IREB2: variants seen among roughly 807,000 people sequenced by gnomAD.
IREB2 encodes iron responsive element binding protein 2.
IREB2 carries 39 observed loss-of-function variants against 118.8 expected under a neutral mutation model. The ratio of observed to expected loss-of-function variants is 0.33; its 90% CI spans 0.25 to 0.43. IREB2 has a LOEUF of 0.43. IREB2 is among the 20% of genes least tolerant of loss of function. The pLI is 1.00. For synonymous variants in IREB2, 372 were observed against 392.2 expected, an observed-to-expected ratio of 0.95 and a Z score of 0.61; for missense variants, 900 against 1,147.3, an observed-to-expected ratio of 0.78 and a Z score of 3.11.
At chr15:78,469,951 A>AT (rs1467863215) in intron 5 of IREB2, among the ~76,000 whole-genome samples, 7 of 152,204 alleles carry the variant, frequency 4.6e-5, no homozygotes, top group African/African-American at 1.7e-4. Flanking sequence ...GAGGTCAATT[A>AT]TTTTTGTCTC....
chr15:78,494,289 C>T (rs201740668), intron 20 of IREB2, 25 bp downstream of exon 20: 6 of 1,602,692 alleles, frequency 3.7e-6, no homozygotes, highest in Non-Finnish European at 5.1e-6. Flanking sequence ...AATTTATCAT[C>T]TTAAGCTTCA....
intron 18 of IREB2, among the ~76,000 whole-genome samples, chr15:78,492,025 A>T (rs2051759947): frequency 6.6e-6 from 1 of 152,224 alleles, no homozygotes; most frequent in Non-Finnish European, 1.5e-5. Flanking sequence ...CATTTAATCC[A>T]GTAGTGCTCA....
In IREB2 at chr15:78,498,218, A is replaced by G. The variant is rs2051873057; in HGVS notation, c.*75A>G. On this transcript the variant is annotated 3_prime_UTR_variant, in exon 22 of 22. Coordinates refer to ENST00000258886, the MANE Select transcript of IREB2 (RefSeq NM_004136.4). ...TGTGCTGGACCCAGGAATCCTTACC[A>G]TGGAGCAGCAGATAGTCCCAGTATA... 4 of 783,590 alleles carry G rather than the reference A, an allele frequency of 5.1e-6. No individual in the cohort carries two copies. Among genetic ancestry groups the G allele is most frequent in the Non-Finnish European group, 9.0e-6 (4 of 444,864 alleles). The allele number at this position is 783,590 out of a possible 1,614,324, so 48.5% of individuals were successfully genotyped here.
At chr15:78,495,410 T>C (rs1395251975) in intron 20 of IREB2, among the ~76,000 whole-genome samples, 1 of 152,176 alleles carries the variant, frequency 6.6e-6, no homozygotes, top group Non-Finnish European at 1.5e-5. Context: ...TTGTTAGACA[T>C]TAAAAAACTG....
At chr15:78,467,394 A>C (rs1303851001) in intron 5 of IREB2, among the ~76,000 whole-genome samples, 2 of 152,178 alleles carry the variant, frequency 1.3e-5, no homozygotes, top group Admixed American at 1.3e-4. Flanking sequence ...TTTTTAAATA[A>C]GAAAAAGAGT....
In IREB2 at chr15:78,500,385, A is replaced by C. The variant is rs1365599802; in HGVS notation, c.*2242A>C. On this transcript the variant is annotated 3_prime_UTR_variant, in exon 22 of 22. Transcript: ENST00000258886. Reference sequence around the variant, plus strand: ...GTAAAAACTTGATAAACATGGTTTCAAATTGAGGAGGAGAGTCTTGGATGT... The same window carrying C: ...GTAAAAACTTGATAAACATGGTTTCCAATTGAGGAGGAGAGTCTTGGATGT... The C allele has an allele frequency of 1.3e-5, 2 of 152,202 alleles. No individual in the cohort carries two copies. The highest frequency in any genetic ancestry group is 2.9e-5 in the Non-Finnish European group (2 of 68,030). The allele number at this position is 152,202 out of a possible 1,614,324, so 9.4% of individuals were successfully genotyped here.
At chr15:78,461,317 A>G (rs1272179582) in intron 2 of IREB2, among the ~76,000 whole-genome samples, 2 of 152,194 alleles carry the variant, frequency 1.3e-5, no homozygotes, top group Non-Finnish European at 2.9e-5. Context: ...ATAGAGACCT[A>G]TGGTTAAAAT....
At position 78,493,798 on chromosome 15, in the gene IREB2, T is replaced by G. The variant is rs963382778; in HGVS notation, c.2325-111T>G. 5.9e-5 allele frequency: 56 copies of G among 941,776 alleles called. No individual in the cohort carries two copies. In the East Asian group the frequency reaches 1.3e-3, roughly 22 times the overall value. The allele number at this position is 941,776 out of a possible 1,614,324, so 58.3% of individuals were successfully genotyped here. A position where few individuals can be genotyped will look rare whatever the true frequency, so the allele number is the denominator to read the frequency against. On this transcript the variant is annotated intron_variant, in intron 18 of 21. Transcript: ENST00000258886. The stretch of plus-strand genomic sequence containing the variant: ...GGACATTCATGGTTTTGTTTTCTTT[T>G]GTGTTTGAAATTTTCTGTGATAAAA...
At chr15:78,495,274 T>C (rs1310698400) in intron 20 of IREB2, among the ~76,000 whole-genome samples, 2 of 152,238 alleles carry the variant, frequency 1.3e-5, no homozygotes, top group African/African-American at 4.8e-5. Context: ...TCTAAGATAC[T>C]AATTATAAGT....
rs907785700 is a variant in IREB2, at chr15:78,498,308, C to A, written c.*165C>A. 2.1e-6 allele frequency: 1 copy of A among 476,174 alleles called. No homozygotes were observed. Among genetic ancestry groups the A allele is most frequent in the African/African-American group, 2.0e-5 (1 of 49,850 alleles). The allele number at this position is 476,174 out of a possible 1,614,324, so 29.5% of individuals were successfully genotyped here. A position where few individuals can be genotyped will look rare whatever the true frequency, so the allele number is the denominator to read the frequency against. ...AACATAGTAACTGAAATGAAATCTT[C>A]TTGATTTTAAATAATATACGAATGG... On this transcript the variant is annotated 3_prime_UTR_variant, in exon 22 of 22. Transcript: ENST00000258886.
At position 78,498,067 on chromosome 15, in the gene IREB2, C is replaced by T. The variant is rs1231261203; in HGVS notation, c.2816C>T (p.Ser939Leu). Residue 939 changes from serine (S) to leucine (L), a missense_variant, in exon 22 of 22, where the codon TCG becomes TTG. Transcript: ENST00000258886. Reference sequence around the variant, plus strand: ...GGAAAAGTATTCAGCGTGATTGCTTCGTTTGAAGATGATGTGGAAATAACA... The same window carrying T: ...GGAAAAGTATTCAGCGTGATTGCTTTGTTTGAAGATGATGTGGAAATAACA... ...STGKVFSVIA[S>L]FEDDVEITLY... The T allele has an allele frequency of 1.1e-5, 18 of 1,613,070 alleles. No homozygotes were observed. The highest frequency in any genetic ancestry group is 1.3e-5 in the African/African-American group (1 of 75,000).
At chr15:78,449,715 T>A (rs1013836460) in intron 2 of IREB2, among the ~76,000 whole-genome samples, 1 of 152,226 alleles carries the variant, frequency 6.6e-6, no homozygotes, top group Non-Finnish European at 1.5e-5. Flanking sequence ...AGCAGCTATT[T>A]AGCCTTGAAT....
rs954144 is a variant in IREB2 at position 78,438,249 on chromosome 15, C to G, written c.-89C>G. 1.2e-4 allele frequency: 123 copies of G among 1,009,652 alleles called. No homozygotes were observed. In the South Asian group the frequency reaches 1.6e-3, roughly 13 times the overall value. The allele number at this position is 1,009,652 out of a possible 1,614,324, so 62.5% of individuals were successfully genotyped here. On this transcript the variant is annotated 5_prime_UTR_variant, in exon 1 of 22. Coordinates refer to ENST00000258886, the MANE Select transcript of IREB2 (RefSeq NM_004136.4). ...TTCCTTCTTTCCTCCCTTGCCAGTC[C>G]GCCTGTCTTCCTCCCCGTCTTCCCT...
chr15:78,448,034 G>C (rs2050960617), intron 2 of IREB2, among the ~76,000 whole-genome samples: 1 of 152,240 alleles, frequency 6.6e-6, no homozygotes, highest in Non-Finnish European at 1.5e-5. Context: ...CTGTGGTATA[G>C]GCATTCTGAG....
chr15:78,442,869 C>G (rs908918959), intron 2 of IREB2, among the ~76,000 whole-genome samples: 1 of 152,196 alleles, frequency 6.6e-6, no homozygotes, highest in South Asian at 2.1e-4. Flanking sequence ...GTACAGAGTA[C>G]ATGTGTACTT....
At chr15:78,494,895 C>G (rs2051814595) in intron 20 of IREB2, among the ~76,000 whole-genome samples, 1 of 152,160 alleles carries the variant, frequency 6.6e-6, no homozygotes, top group South Asian at 2.1e-4. Context: ...TTACTTGCCT[C>G]CTTTTGATTT....
chr15:78,460,274 T>G (rs1243151606), intron 2 of IREB2, among the ~76,000 whole-genome samples: 1 of 152,224 alleles, frequency 6.6e-6, no homozygotes, highest in Non-Finnish European at 1.5e-5. Flanking sequence ...GTAATTCTTC[T>G]ATAACAAAGT....
intron 9 of IREB2, among the ~76,000 whole-genome samples, chr15:78,477,779 G>A (rs536303582): frequency 6.6e-6 from 1 of 152,064 alleles, no homozygotes; most frequent in South Asian, 2.1e-4. Context: ...AAATTAGCCA[G>A]GTGTGGCAGT....
At chr15:78,440,454 C>G (rs981574168) in intron 2 of IREB2, among the ~76,000 whole-genome samples, 2 of 151,994 alleles carry the variant, frequency 1.3e-5, no homozygotes, top group African/African-American at 4.8e-5. Context: ...CCTTGAACTC[C>G]TGGGCTAAAG....
Sources: gnomAD v4.1 joint callset for allele counts (sites outside exome capture counted in the v4.1 genomes callset) on GRCh38, gnomAD v4.1.1 for gene constraint, MANE v1.5 for transcripts, NCBI Gene and HGNC (gene_info 2026-07-23, HGNC 2026-07-21) for gene names.